The following PRKCQ variants were observed in gnomAD, a reference collection of about 807,000 sequenced individuals.
PRKCQ encodes the protein protein kinase C theta.
PRKCQ carries 41 observed loss-of-function variants against 91.2 expected under a neutral mutation model. That is an observed-to-expected ratio of 0.45 (90% confidence interval 0.35 to 0.58). The LOEUF (loss-of-function observed/expected upper bound fraction) is 0.58, where lower values mean the gene tolerates loss of function less well. Among genes scored for constraint, PRKCQ ranks in the 20% least tolerant of loss-of-function variants. The pLI, the probability that PRKCQ is intolerant of heterozygous loss-of-function variation, is 0.00. For missense variants in PRKCQ, 673 were observed against 896.5 expected (o/e 0.75, Z 3.18); for synonymous variants, 307 against 316.9 (o/e 0.97, Z 0.33).
chr10:6,450,915 A>G (rs373653647), intron 15 of PRKCQ, among the ~76,000 whole-genome samples: 2 of 152,196 alleles, frequency 1.3e-5, no homozygotes, highest in South Asian at 2.1e-4. Context: ...TCTCTGGGAC[A>G]CATTCAAAGC....
intron 1 of PRKCQ, among the ~76,000 whole-genome samples, chr10:6,519,533 ACT>A (rs1195025895): frequency 6.6e-6 from 1 of 152,066 alleles, no homozygotes; most frequent in Non-Finnish European, 1.5e-5. Context: ...ACTCTTCCTA[ACT>A]CTGATTTACA....
chr10:6,500,220 G>T (rs1269956530), intron 4 of PRKCQ, among the ~76,000 whole-genome samples: 4 of 151,926 alleles, frequency 2.6e-5, no homozygotes, highest in Admixed American at 1.3e-4. Context: ...TAGTATAGTA[G>T]GTCATTTGTT....
chr10:6,495,567 C>G (rs1837542450), intron 7 of PRKCQ, among the ~76,000 whole-genome samples: 1 of 152,244 alleles, frequency 6.6e-6, no homozygotes, highest in South Asian at 2.1e-4. Context: ...TGTTCACTAT[C>G]TTTGTAGCAC....
At chr10:6,513,289 C>T (rs538590296) in intron 2 of PRKCQ, among the ~76,000 whole-genome samples, 1 of 152,260 alleles carries the variant, frequency 6.6e-6, no homozygotes, top group East Asian at 1.9e-4. Flanking sequence ...AGAGTGATTT[C>T]TTTTCAGAAC....
At chr10:6,460,654 G>A (rs1835272185) in intron 14 of PRKCQ, among the ~76,000 whole-genome samples, 1 of 152,154 alleles carries the variant, frequency 6.6e-6, no homozygotes, top group African/African-American at 2.4e-5. Context: ...ACTACACCCA[G>A]CTAATTTTTG....
chr10:6,536,013 C>T (rs1199055870), intron 1 of PRKCQ, among the ~76,000 whole-genome samples: 3 of 152,078 alleles, frequency 2.0e-5, no homozygotes, highest in Non-Finnish European at 4.4e-5. Flanking sequence ...AGGCCCTACC[C>T]CTGGTTCTAG....
intron 8 of PRKCQ, among the ~76,000 whole-genome samples, chr10:6,488,806 G>A (rs1217359160): frequency 2.0e-5 from 3 of 152,192 alleles, no homozygotes; most frequent in African/African-American, 7.2e-5. Context: ...TTGAGACAGG[G>A]TCTTGCTCTG....
chr10:6,460,841 T>C (rs1322039546), intron 14 of PRKCQ, among the ~76,000 whole-genome samples: 1 of 151,450 alleles, frequency 6.6e-6, no homozygotes, highest in Non-Finnish European at 1.5e-5. Context: ...CATCCATCCA[T>C]CCCATCCATC....
chr10:6,498,573 A>AG lies in PRKCQ; in HGVS notation c.380-16dup, dbSNP rs745638578. On this transcript the variant is annotated splice_polypyrimidine_tract_variant and intron_variant, in intron 4 of 17. Transcript: ENST00000263125. ...GTCCTTTGTGTCTACAGGAAGAGAGAGGGGAAGAAAGTGAAGTTCTGCAAA... is the reference window on the plus strand; with the variant it reads ...GTCCTTTGTGTCTACAGGAAGAGAGAGGGGGAAGAAAGTGAAGTTCTGCAAA... The AG allele has an allele frequency of 5.0e-6, 8 of 1,611,790 alleles. No homozygotes were observed. Among genetic ancestry groups the AG allele is most frequent in the Non-Finnish European group, 6.8e-6 (8 of 1,178,504 alleles).
chr10:6,531,227 G>A (rs1839382732), intron 1 of PRKCQ, among the ~76,000 whole-genome samples: 1 of 152,012 alleles, frequency 6.6e-6, no homozygotes, highest in African/African-American at 2.4e-5. Context: ...TCGCAAAGCT[G>A]CCCTGGAGTC....
chr10:6,404,467 T>C, the PRKCQ span, among the ~76,000 whole-genome samples: 5 of 151,338 alleles, frequency 3.3e-5, no homozygotes, highest in South Asian at 2.1e-4. Flanking sequence ...TCCTTCCTTT[T>C]TTCCTTTTTT....
intron 1 of PRKCQ, among the ~76,000 whole-genome samples, chr10:6,573,880 G>A (rs997253305): frequency 6.6e-6 from 1 of 152,208 alleles, no homozygotes; most frequent in Admixed American, 6.5e-5. Context: ...ACTCTGGGAG[G>A]CCAAGGCGGG....
chr10:6,445,250 C>A (rs1380460733), intron 15 of PRKCQ, among the ~76,000 whole-genome samples: 1 of 151,980 alleles, frequency 6.6e-6, no homozygotes, highest in African/African-American at 2.4e-5. Flanking sequence ...CCATCCCTGA[C>A]CCTCCACCAC....
chr10:6,467,321 CAGAGAGAGACAGACAGAGAGAG>C (rs1835711665), intron 12 of PRKCQ, among the ~76,000 whole-genome samples: 1 of 97,342 alleles, frequency 1.0e-5, no homozygotes, highest in African/African-American at 4.0e-5. Context: ...GAGAGAGAGA[CAGAGAGAGACAGACAGAGAGAG>C]AGAGAGAGAG....
At chr10:6,478,054 T>C (rs549244011) in intron 12 of PRKCQ, among the ~76,000 whole-genome samples, 3 of 152,334 alleles carry the variant, frequency 2.0e-5, no homozygotes, top group Admixed American at 2.0e-4. Flanking sequence ...ATAATGCATG[T>C]GCATGAAAAC....
the PRKCQ span, among the ~76,000 whole-genome samples, chr10:6,399,900 G>C: frequency 6.6e-6 from 1 of 152,148 alleles, no homozygotes; most frequent in African/African-American, 2.4e-5. Flanking sequence ...CAAGTCCCCA[G>C]GGTGGCAAAT....
At chr10:6,518,735 C>T (rs527570501) in intron 1 of PRKCQ, among the ~76,000 whole-genome samples, 1 of 152,102 alleles carries the variant, frequency 6.6e-6, no homozygotes, top group Admixed American at 6.5e-5. Flanking sequence ...GCAGGGGAAT[C>T]GCTTTGCTCC....
At chr10:6,552,079 G>C (rs1840207783) in intron 1 of PRKCQ, among the ~76,000 whole-genome samples, 1 of 152,052 alleles carries the variant, frequency 6.6e-6, no homozygotes, top group African/African-American at 2.4e-5. Flanking sequence ...CACTGATAGT[G>C]AACTTTTTTT....
chr10:6,493,460 G>A (rs1046812253), intron 7 of PRKCQ, among the ~76,000 whole-genome samples: 2 of 152,078 alleles, frequency 1.3e-5, no homozygotes, highest in Admixed American at 6.6e-5. Context: ...TATTTCTATC[G>A]GACAATACTG....
Sources: gnomAD v4.1 joint callset for allele counts (sites outside exome capture counted in the v4.1 genomes callset) on GRCh38, gnomAD v4.1.1 for gene constraint, MANE v1.5 for transcripts, NCBI Gene and HGNC (gene_info 2026-07-23, HGNC 2026-07-21) for gene names.